MCCC1: variants seen among roughly 807,000 people sequenced by gnomAD.
MCCC1 encodes methylcrotonyl-CoA carboxylase subunit 1.
A neutral mutation model predicts 83.8 loss-of-function variants in MCCC1; 64 were observed. The ratio of observed to expected loss-of-function variants is 0.76; its 90% CI spans 0.62 to 0.94. The LOEUF (loss-of-function observed/expected upper bound fraction) is 0.94, where lower values mean the gene tolerates loss of function less well. Ranked by LOEUF, MCCC1 falls within the 40% of genes least tolerant of loss-of-function variation. The pLI is 0.00. For synonymous variants in MCCC1, 322 were observed against 315.4 expected, an observed-to-expected ratio of 1.02 and a Z score of -0.22; for missense variants, 807 against 904.7, an observed-to-expected ratio of 0.89 and a Z score of 1.39.
upstream of MCCC1, among the ~76,000 whole-genome samples, chr3:183,100,918 G>T (rs896803547): frequency 6.6e-6 from 1 of 152,256 alleles, no homozygotes; most frequent in African/African-American, 2.4e-5. Context: ...AGCGGGAACT[G>T]GGGCTGTGTG....
At chr3:183,058,987 A>C (rs1194579404) in intron 7 of MCCC1, among the ~76,000 whole-genome samples, 1 of 152,198 alleles carries the variant, frequency 6.6e-6, no homozygotes, top group African/African-American at 2.4e-5. Flanking sequence ...TTACTTCATG[A>C]AGTATTTTAT....
At chr3:183,052,119 A>C (rs769069173) in intron 9 of MCCC1, 40 bp downstream of exon 9, 2 of 1,574,334 alleles carry the variant, frequency 1.3e-6, no homozygotes, top group Admixed American at 3.3e-5. Flanking sequence ...TAAATTAAAC[A>C]CTGTTACGTC....
Position 183,029,645 on chromosome 3 carries a change from C to A in MCCC1, c.1682-3841G>T, listed in dbSNP as rs896800723. The stretch of plus-strand genomic sequence containing the variant: ...CAGTTGGTCATTCTCACTGAGGTCA[C>A]TAGAAGTTCTTCTGCTTTAGACTCA... On this transcript the variant is annotated intron_variant, in intron 14 of 18. Transcript: ENST00000265594. 2.0e-5 allele frequency among the ~76,000 whole-genome samples: 3 copies of A among 152,330 alleles called. No individual in the cohort carries two copies. In the East Asian group the frequency reaches 5.8e-4, roughly 29 times the overall value.
At chr3:183,099,134 G>A (rs545381871) in intron 1 of MCCC1, 672 of 608,848 alleles carry the variant, frequency 1.1e-3, no homozygotes, top group Non-Finnish European at 1.7e-3. Flanking sequence ...GCGCGCTGAA[G>A]CGTGGATGTG....
chr3:183,059,807 A>AT (rs1715690768), intron 7 of MCCC1, among the ~76,000 whole-genome samples: 1 of 152,166 alleles, frequency 6.6e-6, no homozygotes, highest in Non-Finnish European at 1.5e-5. Flanking sequence ...TTCTCTGAAC[A>AT]CTTTATATCT....
At chr3:183,075,819 C>T (rs1194502614) in intron 4 of MCCC1, among the ~76,000 whole-genome samples, 3 of 151,364 alleles carry the variant, frequency 2.0e-5, no homozygotes, top group African/African-American at 4.9e-5. Flanking sequence ...GAATTACAGA[C>T]GTGAGCCACT....
intron 7 of MCCC1, among the ~76,000 whole-genome samples, chr3:183,068,470 T>C (rs1577324459): frequency 6.6e-6 from 1 of 152,164 alleles, no homozygotes; most frequent in East Asian, 1.9e-4. Context: ...GCAAGAATAC[T>C]CCACCCCTTG....
At chr3:183,038,753 G>C (rs1467799535) in intron 12 of MCCC1, among the ~76,000 whole-genome samples, 3 of 152,168 alleles carry the variant, frequency 2.0e-5, no homozygotes, top group Non-Finnish European at 4.4e-5. Context: ...ATGTATAGCT[G>C]GCCTTATCTA....
chr3:183,099,152 G>C (rs981383318), intron 1 of MCCC1, 200 bp downstream of exon 1: 3 of 623,196 alleles, frequency 4.8e-6, no homozygotes, highest in Admixed American at 2.8e-5. Context: ...GTGCGGAAGC[G>C]GGGAGAAAGG....
In MCCC1 at chr3:183,086,705, G is replaced by C; in HGVS notation, c.357C>G (p.Thr119=). 1 of 1,614,130 alleles carries C rather than the reference G, an allele frequency of 6.2e-7. No homozygotes were observed. The highest frequency in any genetic ancestry group is 8.5e-7 in the Non-Finnish European group (1 of 1,179,998). ...TCACAACCCTCACCTGTGCAGCAGA[G>C]GTCTTGGCCACTTGAATGATTTTCT... ...SMEKIIQVAK[T]SAAQAIHPGC... Residue 119 remains threonine (T), a synonymous_variant, in exon 4 of 19, where the codon ACC becomes ACG. Coordinates refer to ENST00000265594, the MANE Select transcript of MCCC1 (RefSeq NM_020166.5).
chr3:183,087,389 T>C (rs952319764), intron 3 of MCCC1, among the ~76,000 whole-genome samples: 1 of 152,148 alleles, frequency 6.6e-6, no homozygotes, highest in African/African-American at 2.4e-5. Flanking sequence ...GCCTGTACCA[T>C]AGTGAACAAG....
intron 15 of MCCC1, among the ~76,000 whole-genome samples, chr3:183,024,522 T>C (rs1160685110): frequency 2.0e-5 from 3 of 151,518 alleles, no homozygotes; most frequent in African/African-American, 7.3e-5. Flanking sequence ...GGCCAATAAG[T>C]AAAGATGCTC....
intron 13 of MCCC1, among the ~76,000 whole-genome samples, chr3:183,034,477 A>AAAAC (rs1560216307): frequency 6.6e-6 from 1 of 150,984 alleles, no homozygotes. Context: ...AAACAAAAAA[A>AAAAC]CACACGTCCT....
intron 15 of MCCC1, 74 bp downstream of exon 15, chr3:183,025,681 A>G (rs1712535997): frequency 7.9e-7 from 1 of 1,271,812 alleles, no homozygotes; most frequent in Non-Finnish European, 1.2e-6. Context: ...GAAACCAGAG[A>G]GTGAAAGACC....
At chr3:183,114,011 CAA>C (rs1719547571) in intron 1 of MCCC1, among the ~76,000 whole-genome samples, 5 of 152,152 alleles carry the variant, frequency 3.3e-5, no homozygotes, top group Admixed American at 3.3e-4. Flanking sequence ...GAGAACAAGA[CAA>C]ACTCCATCTT....
At chr3:183,086,603 G>T in intron 4 of MCCC1, 90 bp downstream of exon 4, 1 of 1,132,014 alleles carries the variant, frequency 8.8e-7, no homozygotes. Context: ...TCTTGGGAAA[G>T]GCTAAAAATA....
chr3:183,054,258 T>A (rs1199083891), intron 8 of MCCC1, among the ~76,000 whole-genome samples: 1 of 150,252 alleles, frequency 6.7e-6, no homozygotes, highest in Non-Finnish European at 1.5e-5. Context: ...CGATCTCGGC[T>A]CACTGCAAGC....
intron 8 of MCCC1, among the ~76,000 whole-genome samples, chr3:183,056,136 T>C (rs1014037830): frequency 6.6e-6 from 1 of 152,134 alleles, no homozygotes; most frequent in Non-Finnish European, 1.5e-5. Context: ...TAATCACGAC[T>C]TGAAAATAAG....
In MCCC1 at chr3:183,071,246, A is replaced by G. The variant is rs765869735; in HGVS notation, c.603T>C (p.Pro201=). The change falls in exon 6 of 19, where the codon CCT becomes CCC. Residue 201 remains proline (P), a synonymous_variant. Transcript: ENST00000265594. ...CACCCCGGACGGCTTTAATCATGAC[A>G]GGATAGCCAATTCTCCTGGCGTGTT... The part of the protein sequence containing the change: ...LKEHARRIGY[P]VMIKAVRGGG... 20 of 1,614,116 alleles carry G rather than the reference A, an allele frequency of 1.2e-5. No homozygotes were observed. The highest frequency in any genetic ancestry group is 1.7e-5 in the Admixed American group (1 of 60,000).
Sources: allele counts gnomAD v4.1 joint callset (sites outside exome capture counted in the v4.1 genomes callset), GRCh38; gene constraint gnomAD v4.1.1; transcripts MANE v1.5; gene names NCBI Gene and HGNC (gene_info 2026-07-23, HGNC 2026-07-21).